Variants in TTLL1 observed in about 807,000 individuals in gnomAD.
The protein encoded by TTLL1 is TTL family tubulin polyglutamylase complex subunit L1.
TTLL1 carries 33 observed loss-of-function variants against 47.8 expected under a neutral mutation model. That is an observed-to-expected ratio of 0.69 (90% CI 0.52 to 0.92). TTLL1 has a LOEUF of 0.92. TTLL1 is among the 40% of genes least tolerant of loss of function. The pLI, the probability that TTLL1 is intolerant of heterozygous loss-of-function variation, is 0.00. For missense variants in TTLL1, 488 were observed against 547.5 expected (o/e 0.89, Z 1.08); for synonymous variants, 225 against 214.1 (o/e 1.05, Z -0.45).
intron 10 of TTLL1, 162 bp from the exon 11 acceptor site, chr22:43,040,067 TC>T: frequency 1.1e-6 from 1 of 905,702 alleles, no homozygotes; most frequent in Non-Finnish European, 1.6e-6. Flanking sequence ...CCCACCTGGC[TC>T]CAGCCCACCT....
In TTLL1 at chr22:43,064,170, A is replaced by G; in HGVS notation, c.638+20T>C. 1 of 1,601,964 alleles carries G rather than the reference A, an allele frequency of 6.2e-7. No homozygotes were observed. The highest frequency in any genetic ancestry group is 1.8e-5 in the Admixed American group (1 of 56,246). The stretch of plus-strand genomic sequence containing the variant: ...GTGAAAACACAATCAAGAGGGAACC[A>G]AAACCTTAGGGACGCTTACATGTAA... On this transcript the variant is annotated intron_variant, in intron 6 of 10. Transcript: ENST00000266254.
intron 3 of TTLL1, among the ~76,000 whole-genome samples, chr22:43,073,363 AT>A (rs869204480): frequency 0.041 from 3,315 of 80,280 alleles, 161 homozygotes; most frequent in African/African-American, 0.15. Flanking sequence ...TTATTTATTT[AT>A]TTTATTTTTT....
chr22:43,085,080 G>A (rs1321584884), intron 1 of TTLL1, among the ~76,000 whole-genome samples: 1 of 145,702 alleles, frequency 6.9e-6, no homozygotes, highest in South Asian at 2.2e-4. Context: ...TGATTCAAGC[G>A]ATTCTCCTGC....
intron 5 of TTLL1, 120 bp from the exon 6 acceptor site, chr22:43,064,444 G>C (rs1927597012): frequency 8.1e-7 from 1 of 1,235,888 alleles, no homozygotes; most frequent in East Asian, 2.6e-5. Flanking sequence ...AAAGAGTTTT[G>C]GCTGGGCGCG....
chr22:43,069,639 G>A lies in TTLL1; in HGVS notation c.319C>T (p.Leu107=), dbSNP rs775321109. ...EKDENGKYLY[L]DFVPVTYMLP... is the part of the protein sequence containing the mutation. ...AGCCGGTGGAAGACGCACAAACCCA[G>A]ATAGAGGTATTTTCCATTTTCATCT... Residue 107 remains leucine, a synonymous_variant, in exon 4 of 11, where the codon CTG becomes TTG. Coordinates refer to ENST00000266254, the MANE Select transcript of TTLL1 (RefSeq NM_012263.5). The A allele has an allele frequency of 6.2e-7, 1 of 1,614,154 alleles. No homozygotes were observed. Among genetic ancestry groups the A allele is most frequent in the Non-Finnish European group, 8.5e-7 (1 of 1,180,044 alleles).
intron 5 of TTLL1, among the ~76,000 whole-genome samples, chr22:43,066,048 A>ACT (rs1470487326): frequency 6.6e-6 from 1 of 151,370 alleles, no homozygotes; most frequent in East Asian, 2.0e-4. Flanking sequence ...AGTCCCAGCT[A>ACT]CTCAGGAGGC....
At chr22:43,040,131 C>T in intron 10 of TTLL1, 1 of 533,052 alleles carries the variant, frequency 1.9e-6, no homozygotes, top group Non-Finnish European at 3.4e-6. Context: ...GCCAGCCTGC[C>T]TATGTGTACA....
rs1442185661 is a variant in TTLL1 at position 43,069,781 on chromosome 22, G to A, written c.177C>T (p.Asp59=). 4 of 1,614,134 alleles carry A rather than the reference G, an allele frequency of 2.5e-6. No homozygotes were observed. In the South Asian group the frequency reaches 3.3e-5, roughly 13 times the overall value. Residue 59 remains aspartate (D), a synonymous_variant, in exon 4 of 11, where the codon GAC becomes GAT. Transcript: ENST00000266254. ...SVEAGYRLSD[D]QIVNHFPNHY... is the part of the protein sequence containing the mutation. Reference sequence around the variant, plus strand: ...GGTTTGGAAAATGGTTGACTATTTGGTCATCTGAGAGCCGATATCCAGCTT... The same window carrying A: ...GGTTTGGAAAATGGTTGACTATTTGATCATCTGAGAGCCGATATCCAGCTT...
intron 10 of TTLL1, among the ~76,000 whole-genome samples, chr22:43,042,938 C>CTTTTTT (rs59595664): frequency 1.5e-5 from 2 of 129,728 alleles, no homozygotes; most frequent in Non-Finnish European, 3.3e-5. Flanking sequence ...GCTGCTTTTT[C>CTTTTTT]TTTTTTTTTT....
chr22:43,078,520 A>G (rs1476051898), intron 2 of TTLL1, among the ~76,000 whole-genome samples: 1 of 151,990 alleles, frequency 6.6e-6, no homozygotes, highest in Non-Finnish European at 1.5e-5. Context: ...GAAAAACAAA[A>G]GAGAAGAGAA....
rs1375932869 is a variant in TTLL1, at chr22:43,059,381, C to G, written c.891+3G>C. ...CCGGCTCCCCCGCCCGCACCAAACT[C>G]ACCGCCACAGCCTTCAGGGACTGCA... On this transcript the variant is annotated splice_donor_region_variant and intron_variant, in intron 8 of 10. Coordinates refer to ENST00000266254, the MANE Select transcript of TTLL1 (RefSeq NM_012263.5). 3 of 1,609,566 alleles carry G rather than the reference C, an allele frequency of 1.9e-6. No homozygotes were observed. The Admixed American group carries it at 5.0e-5, about 27-fold the overall frequency.
intron 8 of TTLL1, among the ~76,000 whole-genome samples, chr22:43,053,725 A>G (rs1473412950): frequency 2.0e-5 from 3 of 152,236 alleles, no homozygotes. Flanking sequence ...TAAAAACTGA[A>G]TAAATAAATT....
At chr22:43,075,929 T>C (rs140681381) in intron 2 of TTLL1, among the ~76,000 whole-genome samples, 516 of 152,160 alleles carry the variant, frequency 3.4e-3, no homozygotes, top group African/African-American at 0.012. Flanking sequence ...GAGGCAGCCA[T>C]CAAATCACCA....
rs1318701490 is a variant in TTLL1 at position 43,064,235 on chromosome 22, C to G, written c.593G>C (p.Arg198Pro). 2.5e-6 allele frequency: 4 copies of G among 1,614,074 alleles called. No individual in the cohort carries two copies. The highest frequency in any genetic ancestry group is 1.7e-5 in the Admixed American group (1 of 59,972). ...GTACGTGGACACCAGAACGTACAAG[C>G]GCAGGTCGAACTTCCTCCCGCCAAT... The part of the protein sequence containing the change: ...LLIGGRKFDL[R>P]LYVLVSTYRP... The change falls in exon 6 of 11, where the codon CGC becomes CCC. Residue 198 changes from arginine to proline, a missense_variant. Coordinates refer to ENST00000266254, the MANE Select transcript of TTLL1 (RefSeq NM_012263.5).
intron 9 of TTLL1, among the ~76,000 whole-genome samples, chr22:43,048,519 C>T (rs921210066): frequency 6.6e-6 from 1 of 150,882 alleles, no homozygotes; most frequent in African/African-American, 2.4e-5. Flanking sequence ...CACACCTCTA[C>T]TCCCAGCTAC....
rs9623752 is a variant in TTLL1 at position 43,087,077 on chromosome 22, G to A, written c.-90+2200C>T. Among the ~76,000 whole-genome samples, 486 of 152,190 alleles carry A rather than the reference G, an allele frequency of 3.2e-3. 5 individuals carry two copies. Among genetic ancestry groups the A allele is most frequent in the African/African-American group, 0.011 (462 of 41,524 alleles). ...TGCATTTTGTCTTAAGCCTTTGCTCGTCCTCCAGATCTGTCCCTTCTCAAA... is the reference window on the plus strand; with the variant it reads ...TGCATTTTGTCTTAAGCCTTTGCTCATCCTCCAGATCTGTCCCTTCTCAAA... On this transcript the variant is annotated intron_variant, in intron 1 of 10. Transcript: ENST00000266254.
chr22:43,039,828 C>G lies in TTLL1; in HGVS notation c.1220G>C (p.Arg407Thr), dbSNP rs1252529452. The change falls in exon 11 of 11, where the codon AGA (arginine) becomes ACA (threonine). Residue 407 changes from arginine (R) to threonine (T), a missense_variant. Coordinates refer to ENST00000266254, the MANE Select transcript of TTLL1 (RefSeq NM_012263.5). ...RSRQGQSLGPRAGRSRDSGRA... is the reference protein window; with the variant it reads ...RSRQGQSLGPTAGRSRDSGRA... ...CCCCGAGTCTCTCGATCGGCCTGCT[C>G]TGGGCCCCAGAGACTGACCCTGACG... 2 of 1,613,932 alleles carry G rather than the reference C, an allele frequency of 1.2e-6. No individual in the cohort carries two copies. The highest frequency in any genetic ancestry group is 1.7e-6 in the Non-Finnish European group (2 of 1,179,990).
intron 3 of TTLL1, among the ~76,000 whole-genome samples, chr22:43,072,154 CTTTTTT>C (rs60673775): frequency 7.2e-6 from 1 of 138,882 alleles, no homozygotes; most frequent in Non-Finnish European, 1.6e-5. Flanking sequence ...TTTTCTTTTT[CTTTTTT>C]TTTTTTTTTT....
At chr22:43,055,408 T>G (rs965371712) in intron 8 of TTLL1, among the ~76,000 whole-genome samples, 1 of 152,090 alleles carries the variant, frequency 6.6e-6, no homozygotes, top group Non-Finnish European at 1.5e-5. Flanking sequence ...CACAGCTCCC[T>G]GTAGCCTCCA....
Sources: allele counts gnomAD v4.1 joint callset (sites outside exome capture counted in the v4.1 genomes callset), GRCh38; gene constraint gnomAD v4.1.1; transcripts MANE v1.5; gene names NCBI Gene and HGNC (gene_info 2026-07-23, HGNC 2026-07-21).